The following TOMM70 variants were observed in gnomAD, a reference collection of about 807,000 sequenced individuals.
The protein encoded by TOMM70 is translocase of outer mitochondrial membrane 70, also known as mitochondrial import receptor subunit TOM70.
A neutral mutation model predicts 73.6 loss-of-function variants in TOMM70; 13 were observed. The observed-to-expected ratio is 0.18, with a 90% CI of 0.11 to 0.28. The LOEUF (loss-of-function observed/expected upper bound fraction) is 0.28. Among genes scored for constraint, TOMM70 ranks in the 10% least tolerant of loss-of-function variants. The pLI, the probability that TOMM70 is intolerant of heterozygous loss-of-function variation, is 1.00. For synonymous variants in TOMM70, 257 were observed against 271.2 expected (o/e 0.95, Z 0.51); for missense variants, 609 against 747.5 (o/e 0.81, Z 2.16).
Position 100,365,539 on chromosome 3 carries a change from A to T in TOMM70, c.*25T>A. On this transcript the variant is annotated 3_prime_UTR_variant, in exon 12 of 12. Coordinates refer to ENST00000284320, the MANE Select transcript of TOMM70 (RefSeq NM_014820.5). ...GAAGAGGGGGTAAACTTTTAAAAAG[A>T]GGGTCAGTCTGCTTTCCCCCTGTTT... 3 of 1,613,854 alleles carry T rather than the reference A, an allele frequency of 1.9e-6. No homozygotes were observed. Among genetic ancestry groups the T allele is most frequent in the Admixed American group, 1.7e-5 (1 of 60,008 alleles).
Position 100,365,432 on chromosome 3 carries a change from G to A in TOMM70, c.*132C>T. On this transcript the variant is annotated 3_prime_UTR_variant, in exon 12 of 12. Transcript: ENST00000284320. ...CACAACACCTAGACATGAAACAGAT[G>A]TAACAAATAACAACACCACAAACAG... is the stretch of plus-strand genomic sequence containing the variant. The A allele has an allele frequency of 7.3e-7, 1 of 1,365,582 alleles. No homozygotes were observed. The highest frequency in any genetic ancestry group is 1.0e-6 in the Non-Finnish European group (1 of 1,002,196). 84.6% of individuals were successfully genotyped at this position (1,365,582 alleles called of 1,614,324 possible).
intron 6 of TOMM70, among the ~76,000 whole-genome samples, chr3:100,376,365 A>G (rs961724456): frequency 7.1e-5 from 8 of 112,886 alleles, no homozygotes; most frequent in Admixed American, 2.6e-4. Flanking sequence ...CTTTTCACAC[A>G]GAAGTTTTTT....
intron 4 of TOMM70, among the ~76,000 whole-genome samples, chr3:100,383,902 TC>T (rs1292035326): frequency 6.6e-6 from 1 of 152,208 alleles, no homozygotes; most frequent in Non-Finnish European, 1.5e-5. Flanking sequence ...AAATTTTAAT[TC>T]TATAAGGGTA....
At chr3:100,378,950 T>C (rs1017946052) in intron 5 of TOMM70, among the ~76,000 whole-genome samples, 10 of 152,198 alleles carry the variant, frequency 6.6e-5, no homozygotes, top group African/African-American at 2.4e-4. Context: ...GAGCTTGCAG[T>C]GAGCTGAGAT....
rs370075553 is a variant in TOMM70 at position 100,400,905 on chromosome 3, A to T, written c.45T>A (p.Ala15=). The T allele has an allele frequency of 2.6e-6, 4 of 1,525,396 alleles. No homozygotes were observed. The South Asian group carries it at 4.8e-5, about 18-fold the overall frequency. 94.5% of individuals were successfully genotyped at this position (1,525,396 alleles called of 1,614,324 possible). A position where few individuals can be genotyped will look rare whatever the true frequency, so the allele number is the denominator to read the frequency against. Residue 15 remains alanine, a synonymous_variant, in exon 1 of 12, where the codon GCT becomes GCA. Transcript: ENST00000284320. ...KPVEAAVVAA[A]VPSSGSGVGG... Reference sequence around the variant, plus strand: ...CCACCCCACTCCCGGAGCTCGGTACAGCGGCTGCGACCACCGCTGCCTCCA... The same window carrying T: ...CCACCCCACTCCCGGAGCTCGGTACTGCGGCTGCGACCACCGCTGCCTCCA...
chr3:100,365,628 C>G lies in TOMM70; in HGVS notation c.1763G>C (p.Cys588Ser). Residue 588 changes from cysteine (C) to serine (S), a missense_variant, in exon 12 of 12, where the codon TGC becomes TCC. Physicochemically the swap from Cys to Ser is moderately radical, Grantham distance 112 (BLOSUM62 -1). Around this residue, in one of 2 missense-constraint regions of TOMM70, gnomAD observed 432 missense variants for 584.1 expected, o/e 0.74. Coordinates refer to ENST00000284320, the MANE Select transcript of TOMM70 (RefSeq NM_014820.5). The part of the protein sequence containing the change: ...EMEMAHLYSL[C>S]DAAHAQTEVA... The stretch of plus-strand genomic sequence containing the variant: ...TTCTGTCTGGGCATGGGCGGCATCG[C>G]AAAGTGAATACAGATGGGCCATCTC... 6.2e-7 allele frequency: 1 copy of G among 1,614,184 alleles called. No individual in the cohort carries two copies. The highest frequency in any genetic ancestry group is 8.5e-7 in the Non-Finnish European group (1 of 1,180,028).
intron 9 of TOMM70, among the ~76,000 whole-genome samples, chr3:100,370,005 G>C (rs1255401873): frequency 6.6e-6 from 1 of 152,098 alleles, no homozygotes. Flanking sequence ...TTTATAAGAT[G>C]ACTTTTAAGA....
At chr3:100,394,399 CG>C (rs1576218931) in intron 1 of TOMM70, among the ~76,000 whole-genome samples, 1 of 142,480 alleles carries the variant, frequency 7.0e-6, no homozygotes, top group East Asian at 2.3e-4. Flanking sequence ...TTTGCTCTGT[CG>C]CCCAGGGGGG....
rs755786848 is a variant in TOMM70, at chr3:100,368,116, A to G, written c.1601T>C (p.Ile534Thr). Reference protein sequence around the residue: ...KQDLDRGLELISKAIEIDNKC... With the variant: ...KQDLDRGLELTSKAIEIDNKC... ...ATTGTCAATTTCAATAGCCTTGCTG[A>G]TAAGTTCCAAACCTCTATCCAGATC... The change falls in exon 11 of 12, where the codon ATC becomes ACC. Residue 534 changes from isoleucine (I) to threonine (T), a missense_variant. By Grantham distance (89) the Ile-to-Thr change is moderately conservative (BLOSUM62 -1). This residue lies in a region of TOMM70 where 432 missense variants were observed against 584.1 expected (regional missense o/e 0.74). Transcript: ENST00000284320. 3.7e-5 allele frequency: 59 copies of G among 1,613,946 alleles called. No individual in the cohort carries two copies. Among genetic ancestry groups the G allele is most frequent in the Non-Finnish European group, 4.9e-5 (58 of 1,179,954 alleles).
chr3:100,381,500 C>T, intron 5 of TOMM70, 115 bp downstream of exon 5: 1 of 649,582 alleles, frequency 1.5e-6, no homozygotes, highest in Non-Finnish European at 2.3e-6. Flanking sequence ...CTGTCTATCT[C>T]TATCTGTAGA....
At chr3:100,379,701 C>T (rs1187083638) in intron 5 of TOMM70, among the ~76,000 whole-genome samples, 1 of 152,202 alleles carries the variant, frequency 6.6e-6, no homozygotes, top group Non-Finnish European at 1.5e-5. Context: ...ACTTCAACCT[C>T]TGCCTCTGGG....
At chr3:100,366,954 T>C (rs1706453198) in intron 11 of TOMM70, among the ~76,000 whole-genome samples, 1 of 152,218 alleles carries the variant, frequency 6.6e-6, no homozygotes, top group African/African-American at 2.4e-5. Context: ...GTGCAGTGGC[T>C]CACACCTGTA....
At chr3:100,376,369 G>GTTTTTTTTTTTTTTTTTGTT (rs141227349) in intron 6 of TOMM70, among the ~76,000 whole-genome samples, 3 of 121,776 alleles carry the variant, frequency 2.5e-5, no homozygotes, top group African/African-American at 7.4e-5. Context: ...TCACACAGAA[G>GTTTTTTTTTTTTTTTTTGTT]TTTTTTTTTT....
chr3:100,391,829 C>T (rs930152633), intron 1 of TOMM70, among the ~76,000 whole-genome samples: 7 of 152,130 alleles, frequency 4.6e-5, no homozygotes, highest in Non-Finnish European at 8.8e-5. Flanking sequence ...TTAGTGTAGC[C>T]TAAGGGGTAT....
intron 1 of TOMM70, among the ~76,000 whole-genome samples, chr3:100,395,974 TTGTG>T (rs1427167675): frequency 1.3e-5 from 2 of 151,522 alleles, no homozygotes; most frequent in Non-Finnish European, 2.9e-5. Flanking sequence ...GACCTCTGTA[TTGTG>T]ATAAGGAGAC....
chr3:100,387,026 C>A, intron 1 of TOMM70, 48 bp from the exon 2 acceptor site: 1 of 1,570,868 alleles, frequency 6.4e-7, no homozygotes, highest in Admixed American at 1.8e-5. Context: ...CATTCACAGA[C>A]TCAGACCACA....
rs939507232 is a variant in TOMM70 at position 100,363,659 on chromosome 3, G to C, written c.*1905C>G. On this transcript the variant is annotated 3_prime_UTR_variant, in exon 12 of 12. Transcript: ENST00000284320. ...TCTACCCAACCCCAAGATGAAAGAA[G>C]GGAGAAGAGTAGAAGAAAATGTCAG... The C allele has an allele frequency of 2.0e-5, 3 of 152,586 alleles. No individual in the cohort carries two copies. Among genetic ancestry groups the C allele is most frequent in the Admixed American group, 1.3e-4 (2 of 15,274 alleles). 9.5% of individuals were successfully genotyped at this position (152,586 alleles called of 1,614,324 possible). A position where few individuals can be genotyped will look rare whatever the true frequency, so the allele number is the denominator to read the frequency against.
At chr3:100,396,664 T>TA (rs1393908089) in intron 1 of TOMM70, among the ~76,000 whole-genome samples, 8 of 152,296 alleles carry the variant, frequency 5.3e-5, no homozygotes, top group Admixed American at 2.0e-4. Context: ...AATTTTTTTT[T>TA]AATTCTTCAA....
At chr3:100,387,676 C>T (rs1706709600) in intron 1 of TOMM70, among the ~76,000 whole-genome samples, 1 of 149,938 alleles carries the variant, frequency 6.7e-6, no homozygotes, top group Non-Finnish European at 1.5e-5. Flanking sequence ...GGGTCTGTCG[C>T]CCAGGCTGGA....
Sources: allele counts gnomAD v4.1 joint callset (sites outside exome capture counted in the v4.1 genomes callset), GRCh38; gene constraint gnomAD v4.1.1; regional missense constraint gnomAD v4.1.1; transcripts MANE v1.5; gene names NCBI Gene and HGNC (gene_info 2026-07-23, HGNC 2026-07-21).